Variants in LACTB observed in about 807,000 individuals in gnomAD.
LACTB encodes the protein lactamase beta, also known as serine beta-lactamase-like protein LACTB, mitochondrial.
In LACTB, 35 loss-of-function variants were observed where a neutral mutation model predicts 50.2. The ratio of observed to expected loss-of-function variants is 0.70; its 90% confidence interval spans 0.53 to 0.92. The LOEUF is 0.92. LACTB is among the 40% of genes least tolerant of loss of function. LACTB has a pLI of 0.00. For missense variants in LACTB, 664 were observed against 691.8 expected, an observed-to-expected ratio of 0.96 and a Z score of 0.45; for synonymous variants, 252 against 268.2, an observed-to-expected ratio of 0.94 and a Z score of 0.59.
intron 2 of LACTB, among the ~76,000 whole-genome samples, chr15:63,124,113 C>T (rs975874891): frequency 1.3e-5 from 2 of 152,198 alleles, no homozygotes; most frequent in Non-Finnish European, 2.9e-5. Flanking sequence ...CTGGCGTTAC[C>T]GCTAGACCAA....
intron 5 of LACTB, among the ~76,000 whole-genome samples, chr15:63,137,187 C>G (rs1344859571): frequency 6.6e-6 from 1 of 152,184 alleles, no homozygotes; most frequent in South Asian, 2.1e-4. Flanking sequence ...CATAACTATA[C>G]TGATTCTGTG....
intron 5 of LACTB, among the ~76,000 whole-genome samples, chr15:63,137,195 G>T (rs1025928115): frequency 6.6e-6 from 1 of 152,174 alleles, no homozygotes; most frequent in Non-Finnish European, 1.5e-5. Context: ...TACTGATTCT[G>T]TGTAGCAAAT....
chr15:63,122,578 G>A (rs1413133565), intron 1 of LACTB, 58 bp from the exon 2 acceptor site: 5 of 1,371,814 alleles, frequency 3.6e-6, no homozygotes, highest in Non-Finnish European at 4.2e-6. Flanking sequence ...TCCCCGAGGA[G>A]AGCGCTGGGC....
intron 5 of LACTB, chr15:63,131,316 CTCTTATTTATTTATTCATA>C (rs2037130411): frequency 6.6e-6 from 1 of 152,170 alleles, no homozygotes; most frequent in Admixed American, 6.5e-5. Flanking sequence ...TTTCCCTTCT[CTCTTATTTATTTATTCATA>C]CCAGTATGCA....
chr15:63,123,866 GA>G (rs1390124845), intron 2 of LACTB, among the ~76,000 whole-genome samples: 1 of 152,212 alleles, frequency 6.6e-6, no homozygotes. Context: ...GGCGGACTAG[GA>G]GCGTGACCAC....
intron 5 of LACTB, 77 bp from the exon 6 acceptor site, chr15:63,141,203 T>C: frequency 1.3e-6 from 2 of 1,489,372 alleles, no homozygotes; most frequent in Non-Finnish European, 1.8e-6. Context: ...ATCTCTCTCA[T>C]GTATACATTT....
rs564690419 is a variant in LACTB at position 63,126,645 on chromosome 15, A to C, written c.425-214A>C. Among the ~76,000 whole-genome samples, 5 of 152,350 alleles carry C rather than the reference A, an allele frequency of 3.3e-5. No homozygotes were observed. The South Asian group carries it at 1.0e-3, about 32-fold the overall frequency. ...AAAATTGCTATTGCAAACAGGGTAC[A>C]ATTTCACTTTAGTTATAAGGTTAAA... On this transcript the variant is annotated intron_variant, in intron 2 of 5. Transcript: ENST00000261893.
chr15:63,141,743 G>C lies in LACTB; in HGVS notation c.1582G>C (p.Val528Leu). The C allele has an allele frequency of 6.2e-7, 1 of 1,614,150 alleles. No homozygotes were observed. The highest frequency in any genetic ancestry group is 8.5e-7 in the Non-Finnish European group (1 of 1,180,030). Residue 528 changes from valine to leucine, a missense_variant, in exon 6 of 6, where the codon GTT (valine) becomes CTT (leucine). By Grantham distance (32) the Val-to-Leu change is conservative. Coordinates refer to ENST00000261893, the MANE Select transcript of LACTB (RefSeq NM_032857.5). Reference sequence around the variant, plus strand: ...TTCTATCATATGTAACATGCAATCTGTTGGCCTCAATAGCACCGCTTTGAA... The same window carrying C: ...TTCTATCATATGTAACATGCAATCTCTTGGCCTCAATAGCACCGCTTTGAA... ...IVSIICNMQS[V>L]GLNSTALKIA... is the part of the protein sequence containing the mutation.
intron 5 of LACTB, among the ~76,000 whole-genome samples, chr15:63,132,735 C>T (rs1218643734): frequency 1.3e-5 from 2 of 152,140 alleles, no homozygotes; most frequent in African/African-American, 2.4e-5. Context: ...TTGGGAGGAT[C>T]ACTTGAGCCT....
chr15:63,127,719 T>C (rs774797702), intron 4 of LACTB, 30 bp downstream of exon 4: 1 of 1,362,432 alleles, frequency 7.3e-7, no homozygotes, highest in Non-Finnish European at 1.0e-6. Flanking sequence ...CTTAACAAAA[T>C]CATCATTACT....
At chr15:63,135,596 T>A (rs2037168454) in intron 5 of LACTB, among the ~76,000 whole-genome samples, 1 of 152,164 alleles carries the variant, frequency 6.6e-6, no homozygotes, top group Admixed American at 6.6e-5. Context: ...GGCATGCGCC[T>A]GTAGTCCCAG....
chr15:63,136,850 C>T (rs1037842454), intron 5 of LACTB, among the ~76,000 whole-genome samples: 1 of 152,072 alleles, frequency 6.6e-6, no homozygotes, highest in Non-Finnish European at 1.5e-5. Context: ...TGGGTATAAC[C>T]ATAAACCTGT....
intron 5 of LACTB, among the ~76,000 whole-genome samples, chr15:63,139,282 G>T (rs1435751808): frequency 6.7e-6 from 1 of 148,418 alleles, no homozygotes; most frequent in Non-Finnish European, 1.5e-5. Context: ...AGGAGAATCA[G>T]TTGAACCCAG....
In LACTB at chr15:63,129,450, T is replaced by C. The variant is rs763685133; in HGVS notation, c.953-35T>C. The C allele has an allele frequency of 2.7e-6, 4 of 1,482,912 alleles. No individual in the cohort carries two copies. The Admixed American group carries it at 9.5e-5, about 35-fold the overall frequency. The allele number at this position is 1,482,912 out of a possible 1,614,324, so 91.9% of individuals were successfully genotyped here. ...TATGTTTTTGAATAATAATCAAGTATTTTATTTTTTTCCTCCTCGCAATGA... is the reference window on the plus strand; with the variant it reads ...TATGTTTTTGAATAATAATCAAGTACTTTATTTTTTTCCTCCTCGCAATGA... On this transcript the variant is annotated intron_variant, in intron 4 of 5. Coordinates refer to ENST00000261893, the MANE Select transcript of LACTB (RefSeq NM_032857.5).
At chr15:63,123,385 C>T (rs1344573670) in intron 2 of LACTB, among the ~76,000 whole-genome samples, 1 of 152,202 alleles carries the variant, frequency 6.6e-6, no homozygotes, top group African/African-American at 2.4e-5. Context: ...TGAGGCCTCT[C>T]TTCCGTAAAA....
At chr15:63,122,342 C>G in intron 1 of LACTB, 114 bp downstream of exon 1, 1 of 921,256 alleles carries the variant, frequency 1.1e-6, no homozygotes. Context: ...GATCGGCTTC[C>G]GAGAAAGACT....
chr15:63,141,258 A>G (rs754838694), intron 5 of LACTB, 22 bp from the exon 6 acceptor site: 1 of 1,564,134 alleles, frequency 6.4e-7, no homozygotes, highest in East Asian at 2.3e-5. Flanking sequence ...ATTTTTCATG[A>G]TCATTTCTTA....
intron 5 of LACTB, among the ~76,000 whole-genome samples, chr15:63,140,644 A>G (rs1373802469): frequency 6.6e-6 from 1 of 152,066 alleles, no homozygotes; most frequent in Non-Finnish European, 1.5e-5. Context: ...TGTATATGGT[A>G]TTTTGTTTAG....
intron 4 of LACTB, among the ~76,000 whole-genome samples, chr15:63,128,726 A>ATTTAT (rs1017839709): frequency 5.9e-5 from 9 of 152,038 alleles, no homozygotes; most frequent in South Asian, 2.1e-4. Flanking sequence ...GTGTGCCTAC[A>ATTTAT]TTTATTTTAT....
Sources: gnomAD v4.1 joint callset for allele counts (sites outside exome capture counted in the v4.1 genomes callset) on GRCh38, gnomAD v4.1.1 for gene constraint, MANE v1.5 for transcripts, NCBI Gene and HGNC (gene_info 2026-07-23, HGNC 2026-07-21) for gene names.